Variants in FMN1 observed in about 807,000 individuals in gnomAD.
FMN1 encodes formin-1.
FMN1 carries 110 observed loss-of-function variants against 132.4 expected under a neutral mutation model. The observed-to-expected ratio is 0.83, with a 90% CI of 0.71 to 0.97. The LOEUF (loss-of-function observed/expected upper bound fraction) is 0.97. Ranked by LOEUF, FMN1 falls within the 50% of genes least tolerant of loss-of-function variation. The probability of loss-of-function intolerance (pLI) is 0.00; values close to 1 mark genes in which losing one functional copy is unlikely to be tolerated. For synonymous variants in FMN1, 722 were observed against 651.7 expected (o/e 1.11, Z -1.64); for missense variants, 1,792 against 1,705.3 (o/e 1.05, Z -0.90).
intron 6 of FMN1, among the ~76,000 whole-genome samples, chr15:33,051,162 C>A (rs1040872320): frequency 1.3e-5 from 2 of 152,124 alleles, no homozygotes; most frequent in Admixed American, 6.5e-5. Context: ...ATATACCATT[C>A]TCTGAATTAG....
At chr15:32,886,636 C>T (rs757009100) in intron 16 of FMN1, among the ~76,000 whole-genome samples, 64 of 152,256 alleles carry the variant, frequency 4.2e-4, no homozygotes, top group Admixed American at 7.2e-4. Context: ...AAACAGGGAT[C>T]AGGTTTCGGC....
intron 6 of FMN1, among the ~76,000 whole-genome samples, chr15:33,024,994 C>T (rs1380415002): frequency 6.6e-6 from 1 of 152,100 alleles, no homozygotes; most frequent in African/African-American, 2.4e-5. Context: ...ATTTTGTAGA[C>T]TCATGAAATA....
At chr15:32,902,574 A>T (rs983439727) in intron 12 of FMN1, among the ~76,000 whole-genome samples, 1 of 152,232 alleles carries the variant, frequency 6.6e-6, no homozygotes, top group Non-Finnish European at 1.5e-5. Flanking sequence ...CATTCTCCAG[A>T]TATTTGTTTA....
At chr15:32,831,744 C>T (rs1014827243) in intron 17 of FMN1, among the ~76,000 whole-genome samples, 2 of 141,256 alleles carry the variant, frequency 1.4e-5, no homozygotes, top group Non-Finnish European at 1.5e-5. Context: ...AGAATGCAGC[C>T]TTTTTTTTTT....
intron 4 of FMN1, among the ~76,000 whole-genome samples, chr15:33,097,600 A>G (rs1234614008): frequency 1.3e-5 from 2 of 152,228 alleles, no homozygotes; most frequent in East Asian, 3.8e-4. Flanking sequence ...AGAGAACTTT[A>G]AAGTGTCGAA....
At chr15:32,966,599 A>G (rs2031255362) in intron 8 of FMN1, among the ~76,000 whole-genome samples, 3 of 152,176 alleles carry the variant, frequency 2.0e-5, no homozygotes, top group African/African-American at 7.2e-5. Flanking sequence ...AGAAATCACG[A>G]AAGAGACACC....
At chr15:33,088,681 A>G in intron 5 of FMN1, 118 bp downstream of exon 5, 1 of 918,388 alleles carries the variant, frequency 1.1e-6, no homozygotes. Context: ...GATTTTTTTT[A>G]AACAATGATC....
intron 6 of FMN1, among the ~76,000 whole-genome samples, chr15:33,018,000 G>C (rs886283231): frequency 1.3e-5 from 2 of 151,256 alleles, no homozygotes; most frequent in African/African-American, 4.9e-5. Flanking sequence ...AGGAGGTGGA[G>C]GTTGCAGTGA....
At chr15:32,985,181 C>T (rs2032987298) in intron 7 of FMN1, among the ~76,000 whole-genome samples, 1 of 152,072 alleles carries the variant, frequency 6.6e-6, no homozygotes, top group East Asian at 1.9e-4. Context: ...TAAAAATGCT[C>T]ACATAGATAA....
At chr15:32,863,630 A>G (rs2059327320) in intron 16 of FMN1, among the ~76,000 whole-genome samples, 1 of 152,172 alleles carries the variant, frequency 6.6e-6, no homozygotes, top group South Asian at 2.1e-4. Flanking sequence ...GGCACGCAGT[A>G]ATTATTGTTT....
At chr15:33,072,906 G>T (rs906266121) in intron 5 of FMN1, among the ~76,000 whole-genome samples, 1 of 130,026 alleles carries the variant, frequency 7.7e-6, no homozygotes, top group Admixed American at 9.0e-5. Flanking sequence ...CTGGGCAACA[G>T]AACAAGACTC....
At chr15:32,801,900 A>G (rs1199419507) in intron 18 of FMN1, among the ~76,000 whole-genome samples, 2 of 152,240 alleles carry the variant, frequency 1.3e-5, no homozygotes, top group Non-Finnish European at 2.9e-5. Context: ...CAATGGTTTG[A>G]TAAGGCCTAG....
At chr15:32,796,835 T>A (rs866836267) in intron 19 of FMN1, among the ~76,000 whole-genome samples, 7 of 152,252 alleles carry the variant, frequency 4.6e-5, no homozygotes, top group Admixed American at 3.9e-4. Flanking sequence ...CTAACCATGC[T>A]GCTGCCTCCA....
chr15:33,076,174 G>A, intron 5 of FMN1, among the ~76,000 whole-genome samples: 1 of 152,196 alleles, frequency 6.6e-6, no homozygotes, highest in East Asian at 1.9e-4. Flanking sequence ...ATGTGTTTCA[G>A]AAGAGCTTTG....
At chr15:32,863,366 G>A (rs565317370) in intron 16 of FMN1, among the ~76,000 whole-genome samples, 17 of 152,206 alleles carry the variant, frequency 1.1e-4, no homozygotes, top group Admixed American at 7.2e-4. Flanking sequence ...CCCGGGAGGC[G>A]GAGCTTGCAG....
At chr15:32,946,328 T>C (rs1233328191) in intron 9 of FMN1, among the ~76,000 whole-genome samples, 2 of 151,816 alleles carry the variant, frequency 1.3e-5, no homozygotes, top group African/African-American at 2.4e-5. Context: ...CCATGAAGAG[T>C]GAGCGTCTAC....
chr15:32,890,149 C>A (rs1429453939), intron 15 of FMN1, among the ~76,000 whole-genome samples: 8 of 77,328 alleles, frequency 1.0e-4, no homozygotes, highest in Admixed American at 8.1e-4. Flanking sequence ...ATATATATAT[C>A]AGTTTCTTTA....
chr15:32,969,608 A>G (rs2031607518), intron 7 of FMN1, 131 bp from the exon 8 acceptor site: 1 of 1,078,540 alleles, frequency 9.3e-7, no homozygotes, highest in South Asian at 1.7e-5. Flanking sequence ...ATACAGAGAC[A>G]TTCTTTTAAG....
intron 19 of FMN1, among the ~76,000 whole-genome samples, chr15:32,785,018 AGG>A (rs981543493): frequency 6.6e-6 from 1 of 150,782 alleles, no homozygotes; most frequent in African/African-American, 2.5e-5. Context: ...CTTTTTTTGG[AGG>A]GGGGTTCATC....
Sources: gnomAD v4.1 joint callset for allele counts (sites outside exome capture counted in the v4.1 genomes callset) on GRCh38, gnomAD v4.1.1 for gene constraint, MANE v1.5 for transcripts, NCBI Gene and HGNC (gene_info 2026-07-23, HGNC 2026-07-21) for gene names.